BCAS3: variants seen among roughly 807,000 people sequenced by gnomAD.
BCAS3 encodes the protein BCAS3 microtubule associated cell migration factor, also known as BCAS4/BCAS3 fusion.
A neutral mutation model predicts 116.1 loss-of-function variants in BCAS3; 53 were observed. The ratio of observed to expected loss-of-function variants is 0.46; its 90% CI spans 0.37 to 0.57. BCAS3 has a LOEUF of 0.57. Ranked by LOEUF, BCAS3 falls within the 20% of genes least tolerant of loss-of-function variation. The pLI is 0.00. For missense variants in BCAS3, 917 were observed against 1,165.4 expected, an observed-to-expected ratio of 0.79 and a Z score of 3.10; for synonymous variants, 391 against 408.2, an observed-to-expected ratio of 0.96 and a Z score of 0.51.
In BCAS3 at chr17:61,050,258, C is replaced by T. The variant is rs375550626; in HGVS notation, c.2029+9366C>T. Among the ~76,000 whole-genome samples, 36 of 151,756 alleles carry T rather than the reference C, an allele frequency of 2.4e-4. 1 individual carries two copies. In the South Asian group the frequency reaches 5.4e-3, roughly 23 times the overall value. On this transcript the variant is annotated intron_variant, in intron 19 of 23. Coordinates refer to ENST00000407086, the MANE Select transcript of BCAS3 (RefSeq NM_017679.5). Reference sequence around the variant, plus strand: ...TAAGAGCACTGGGAATGGTGAAAAACGTAGGTAAATGGATGAGATATTTTT... The same window carrying T: ...TAAGAGCACTGGGAATGGTGAAAAATGTAGGTAAATGGATGAGATATTTTT...
In BCAS3 at chr17:61,208,982, G is replaced by A. The variant is rs1013672162; in HGVS notation, c.2425+124418G>A. Among the ~76,000 whole-genome samples, 87 of 151,498 alleles carry A rather than the reference G, an allele frequency of 5.7e-4. No individual in the cohort carries two copies. The highest frequency in any genetic ancestry group is 2.0e-3 in the African/African-American group (84 of 41,314). The stretch of plus-strand genomic sequence containing the variant: ...GACACTCAGAATTATACCTCTGGTT[G>A]GTTCAAAATTGCTTAAATGTTGAAA... On this transcript the variant is annotated intron_variant, in intron 22 of 23. Transcript: ENST00000407086. This position sits in a 1 kb window ranked among gnomAD's most constrained non-coding sequence, Gnocchi z 4.5.
intron 14 of BCAS3, among the ~76,000 whole-genome samples, chr17:60,954,228 G>A (rs1448465153): frequency 6.6e-6 from 1 of 152,100 alleles, no homozygotes; most frequent in African/African-American, 2.4e-5. Context: ...TTGTGTGTCT[G>A]TTTTTGTATT....
chr17:60,806,003 C>T (rs534532457), intron 6 of BCAS3, among the ~76,000 whole-genome samples: 11 of 151,362 alleles, frequency 7.3e-5, no homozygotes, highest in Admixed American at 2.6e-4. Flanking sequence ...GGGATTACAG[C>T]GCCTGCCTCC....
chr17:60,923,693 A>T (rs1015343002), intron 12 of BCAS3, among the ~76,000 whole-genome samples: 5 of 152,206 alleles, frequency 3.3e-5, no homozygotes, highest in Non-Finnish European at 4.4e-5. Flanking sequence ...CAATTTTTAA[A>T]AAGTTGTTGA....
chr17:60,687,230 G>A (rs930074099), intron 3 of BCAS3, among the ~76,000 whole-genome samples: 18 of 152,138 alleles, frequency 1.2e-4, no homozygotes, highest in East Asian at 3.9e-4. Flanking sequence ...GGGCTAAATC[G>A]GTTGCTCTTG....
chr17:61,207,525 A>G (rs1296759405), intron 22 of BCAS3, among the ~76,000 whole-genome samples: 1 of 151,950 alleles, frequency 6.6e-6, no homozygotes, highest in Non-Finnish European at 1.5e-5. Context: ...CCTAATCACC[A>G]AGCTGTTTCC....
chr17:61,102,579 T>C (rs1436488426), intron 22 of BCAS3, among the ~76,000 whole-genome samples: 1 of 152,310 alleles, frequency 6.6e-6, no homozygotes, highest in East Asian at 1.9e-4. Context: ...TTTTTTGTCA[T>C]GAACATGTTT....
intron 22 of BCAS3, among the ~76,000 whole-genome samples, chr17:61,206,485 A>G (rs1357711218): frequency 2.0e-5 from 3 of 152,076 alleles, no homozygotes; most frequent in African/African-American, 7.2e-5. Context: ...TATTAACTAA[A>G]CTGCATTTTT....
intron 6 of BCAS3, among the ~76,000 whole-genome samples, chr17:60,784,238 A>C (rs2144504951): frequency 6.6e-6 from 1 of 152,200 alleles, no homozygotes; most frequent in South Asian, 2.1e-4. Context: ...AAATTGAAAA[A>C]AAAAAGGTGA....
intron 7 of BCAS3, among the ~76,000 whole-genome samples, chr17:60,839,202 A>G (rs933618402): frequency 6.6e-6 from 1 of 152,140 alleles, no homozygotes; most frequent in African/African-American, 2.4e-5. Context: ...TCTTTGTATT[A>G]TAACTTAATT....
At chr17:61,231,157 T>C (rs921703353) in intron 22 of BCAS3, among the ~76,000 whole-genome samples, 1 of 151,944 alleles carries the variant, frequency 6.6e-6, no homozygotes, top group African/African-American at 2.4e-5. Context: ...CTGATTGTGG[T>C]TTTTGATTTG....
rs1258250434 is a variant in BCAS3, at chr17:61,281,770, C to T, written c.2426-86557C>T. On this transcript the variant is annotated intron_variant, in intron 22 of 23. Transcript: ENST00000407086. This position sits in a 1 kb window ranked among gnomAD's most constrained non-coding sequence, Gnocchi z 4.2. ...TTTCCAAGTTTGTCAGTATCTTTGC[C>T]ATACAAATTTTAAATTTTATGTGTT... Among the ~76,000 whole-genome samples the T allele has an allele frequency of 6.6e-6, 1 of 151,930 alleles. No individual in the cohort carries two copies. The highest frequency in any genetic ancestry group is 2.4e-5 in the African/African-American group (1 of 41,378).
In BCAS3 at chr17:60,709,618, A is replaced by G. The variant is rs577872267; in HGVS notation, c.321+293A>G. On this transcript the variant is annotated intron_variant, in intron 5 of 23. Transcript: ENST00000407086. ...TGGCCAGGCTGGTCTCAAACTCCTG[A>G]CCTCAGGTGATCCATCTGCCTCAGC... 40 of 290,880 alleles carry G rather than the reference A, an allele frequency of 1.4e-4. No individual in the cohort carries two copies. In the Middle Eastern group the frequency reaches 3.4e-3, roughly 25 times the overall value. The allele number at this position is 290,880 out of a possible 1,614,324, so 18.0% of individuals were successfully genotyped here.
At chr17:61,070,095 T>TA (rs2071195044) in intron 19 of BCAS3, 1 of 1,572,258 alleles carries the variant, frequency 6.4e-7, no homozygotes, top group Non-Finnish European at 8.7e-7. Flanking sequence ...ACCACTATGC[T>TA]ATCATCAAGT....
chr17:61,208,606 C>T lies in BCAS3; in HGVS notation c.2425+124042C>T, dbSNP rs1387441481. ...TCATCCCAAATGCTAATATCAGAGA[C>T]TCTCTTTTAAAGCTACTAGGTCCAC... On this transcript the variant is annotated intron_variant, in intron 22 of 23. Transcript: ENST00000407086. The surrounding 1 kb of genome is among the most constrained non-coding windows in gnomAD (Gnocchi z 4.5). Among the ~76,000 whole-genome samples, 1 of 152,132 alleles carries T rather than the reference C, an allele frequency of 6.6e-6. No individual in the cohort carries two copies. The highest frequency in any genetic ancestry group is 1.5e-5 in the Non-Finnish European group (1 of 68,028).
At chr17:60,858,439 T>C (rs1304987337) in intron 7 of BCAS3, among the ~76,000 whole-genome samples, 4 of 152,108 alleles carry the variant, frequency 2.6e-5, no homozygotes, top group Non-Finnish European at 4.4e-5. Flanking sequence ...TAGACTTTTA[T>C]GTATAGCTTC....
chr17:61,311,708 C>T lies in BCAS3; in HGVS notation c.2426-56619C>T, dbSNP rs1429888188. Among the ~76,000 whole-genome samples, 3 of 152,218 alleles carry T rather than the reference C, an allele frequency of 2.0e-5. No homozygotes were observed. The East Asian group carries it at 5.8e-4, about 29-fold the overall frequency. On this transcript the variant is annotated intron_variant, in intron 22 of 23. Coordinates refer to ENST00000407086, the MANE Select transcript of BCAS3 (RefSeq NM_017679.5). ...AGGAGATCGAGACCATCCTGGCCAA[C>T]ACAGTGAAACCCTGTCTCTACTAAA...
chr17:61,261,683 C>A lies in BCAS3; in HGVS notation c.2426-106644C>A, dbSNP rs571479914. ...GTTGCATATACAGGAATTGGTTGAA[C>A]CTTATTGTTTAAATTAGCTATACCC... On this transcript the variant is annotated intron_variant, in intron 22 of 23. Coordinates refer to ENST00000407086, the MANE Select transcript of BCAS3 (RefSeq NM_017679.5). The surrounding 1 kb of genome is among the most constrained non-coding windows in gnomAD (Gnocchi z 4.4). Among the ~76,000 whole-genome samples, 68 of 152,218 alleles carry A rather than the reference C, an allele frequency of 4.5e-4. No homozygotes were observed. Among genetic ancestry groups the A allele is most frequent in the African/African-American group, 1.6e-3 (65 of 41,538 alleles).
intron 22 of BCAS3, among the ~76,000 whole-genome samples, chr17:61,310,209 C>T (rs1161673978): frequency 6.6e-6 from 1 of 152,202 alleles, no homozygotes; most frequent in Non-Finnish European, 1.5e-5. Flanking sequence ...GCTTTCATCT[C>T]TGGCCCACTA....
Sources: gnomAD v4.1 joint callset for allele counts (sites outside exome capture counted in the v4.1 genomes callset) on GRCh38, gnomAD v4.1.1 for gene constraint, Gnocchi (gnomAD v3.1) non-coding constraint, MANE v1.5 for transcripts, NCBI Gene and HGNC (gene_info 2026-07-23, HGNC 2026-07-21) for gene names.